Variants in DDX10 observed in about 807,000 individuals in gnomAD.
DDX10 encodes probable ATP-dependent RNA helicase DDX10.
A neutral mutation model predicts 104.3 loss-of-function variants in DDX10; 74 were observed. The ratio of observed to expected loss-of-function variants is 0.71; its 90% confidence interval spans 0.59 to 0.86. The LOEUF (loss-of-function observed/expected upper bound fraction) is 0.86, where lower values mean the gene tolerates loss of function less well. DDX10 is among the 40% of genes least tolerant of loss of function. DDX10 has a pLI of 0.00. For synonymous variants in DDX10, 351 were observed against 353.4 expected (o/e 0.99, Z 0.08); for missense variants, 952 against 1,040.0 (o/e 0.92, Z 1.16).
intron 7 of DDX10, among the ~76,000 whole-genome samples, chr11:108,691,453 T>C (rs1448900883): frequency 1.3e-5 from 2 of 152,230 alleles, no homozygotes; most frequent in Non-Finnish European, 2.9e-5. Flanking sequence ...AATGTTTTTA[T>C]TTATGTCTAA....
At chr11:108,792,597 G>GTAT (rs1861886597) in intron 13 of DDX10, among the ~76,000 whole-genome samples, 1 of 152,056 alleles carries the variant, frequency 6.6e-6, no homozygotes, top group Admixed American at 6.5e-5. Context: ...TTTCTGGAGT[G>GTAT]TATATCCTAT....
chr11:108,738,888 C>A (rs1447479885), intron 13 of DDX10, among the ~76,000 whole-genome samples: 1 of 152,108 alleles, frequency 6.6e-6, no homozygotes, highest in African/African-American at 2.4e-5. Flanking sequence ...CCCTCAAGTC[C>A]CACAGGGGCC....
At chr11:108,762,246 A>G (rs1317948834) in intron 13 of DDX10, among the ~76,000 whole-genome samples, 2 of 152,184 alleles carry the variant, frequency 1.3e-5, no homozygotes, top group Admixed American at 1.3e-4. Flanking sequence ...GCAGAAATAG[A>G]TAAGCGGCCC....
Position 108,677,229 on chromosome 11 carries a change from A to G in DDX10, c.523A>G (p.Ile175Val). Residue 175 changes from isoleucine to valine, a missense_variant, in exon 4 of 18, where the codon ATC (isoleucine) becomes GTC (valine). Physicochemically the swap from Ile to Val is conservative, Grantham distance 29. Coordinates refer to ENST00000322536, the MANE Select transcript of DDX10 (RefSeq NM_004398.4). ...GKNHDFSAGL[I>V]IGGKDLKHEA... ...GAATCATGACTTCTCAGCTGGTCTC[A>G]TCATTGGTGGAAAGGTTTGTCCTTT... The G allele has an allele frequency of 1.9e-6, 3 of 1,613,392 alleles. No homozygotes were observed. Among genetic ancestry groups the G allele is most frequent in the Non-Finnish European group, 1.7e-6 (2 of 1,179,514 alleles).
chr11:108,707,398 C>G (rs35085871), intron 10 of DDX10, among the ~76,000 whole-genome samples: 23,937 of 152,118 alleles, frequency 0.16, 1,917 homozygotes, highest in East Asian at 0.25. Context: ...GCTTCTTTCA[C>G]TTAGTAGTAT....
intron 16 of DDX10, among the ~76,000 whole-genome samples, chr11:108,901,887 T>A (rs1863521030): frequency 6.6e-6 from 1 of 152,212 alleles, no homozygotes; most frequent in Non-Finnish European, 1.5e-5. Context: ...CTAGGTAATG[T>A]TGGATTCTGA....
intron 16 of DDX10, among the ~76,000 whole-genome samples, chr11:108,902,092 T>C (rs1382852545): frequency 6.6e-6 from 1 of 152,200 alleles, no homozygotes; most frequent in Non-Finnish European, 1.5e-5. Flanking sequence ...CTAATTCTTC[T>C]CTTAAGTTCT....
chr11:108,908,081 C>T (rs1863620711), intron 16 of DDX10, among the ~76,000 whole-genome samples: 1 of 152,076 alleles, frequency 6.6e-6, no homozygotes, highest in Non-Finnish European at 1.5e-5. Context: ...CATCACTAAC[C>T]TTTTTTGTGT....
At chr11:108,679,953 C>T (rs1324249954) in intron 6 of DDX10, among the ~76,000 whole-genome samples, 1 of 152,128 alleles carries the variant, frequency 6.6e-6, no homozygotes, top group Non-Finnish European at 1.5e-5. Context: ...TTGTTGAAAG[C>T]AGTGGGAGGG....
intron 14 of DDX10, among the ~76,000 whole-genome samples, chr11:108,840,858 GA>G (rs1862627408): frequency 2.0e-5 from 3 of 152,198 alleles, no homozygotes. Flanking sequence ...TCTAGTAAGA[GA>G]AACAGGAACA....
intron 16 of DDX10, chr11:108,860,721 T>G (rs1190700297): frequency 6.6e-6 from 1 of 152,070 alleles, no homozygotes; most frequent in Non-Finnish European, 1.5e-5. Context: ...AATTTTTCTA[T>G]TTTTAGTAGA....
intron 13 of DDX10, among the ~76,000 whole-genome samples, chr11:108,801,801 G>C (rs545810503): frequency 1.3e-5 from 2 of 152,050 alleles, no homozygotes; most frequent in Admixed American, 1.3e-4. Context: ...GCTACTAACT[G>C]TCTTTCACCA....
intron 13 of DDX10, among the ~76,000 whole-genome samples, chr11:108,763,324 G>T (rs999403955): frequency 6.6e-6 from 1 of 151,974 alleles, no homozygotes; most frequent in African/African-American, 2.4e-5. Flanking sequence ...CCTCACTTGG[G>T]CTTATTTTTA....
At position 108,706,814 on chromosome 11, in the gene DDX10, G is replaced by C; in HGVS notation, c.1299G>C (p.Lys433Asn). The change falls in exon 10 of 18, where the codon AAG becomes AAC. Residue 433 changes from lysine (K) to asparagine (N), a missense_variant. Transcript: ENST00000322536. ...EKAMVQQLLQ[K>N]KVPVKEIKIN... ...CTATGGTGCAGCAGCTTCTTCAGAA[G>C]AAAGTACCTGTGAAGGAAATCAAGT... The C allele has an allele frequency of 1.9e-6, 3 of 1,613,998 alleles. No homozygotes were observed. The highest frequency in any genetic ancestry group is 2.5e-6 in the Non-Finnish European group (3 of 1,179,876).
At chr11:108,694,806 G>A (rs886395335) in intron 9 of DDX10, among the ~76,000 whole-genome samples, 5 of 152,076 alleles carry the variant, frequency 3.3e-5, no homozygotes, top group Admixed American at 1.3e-4. Flanking sequence ...ACGTGAACCC[G>A]GGAGGCGGAG....
At chr11:108,802,010 G>GGGGT (rs1555026955) in intron 13 of DDX10, among the ~76,000 whole-genome samples, 5 of 142,060 alleles carry the variant, frequency 3.5e-5, no homozygotes, top group African/African-American at 7.6e-5. Context: ...AAGTGAGTGG[G>GGGGT]GTGTGTGTGT....
intron 16 of DDX10, among the ~76,000 whole-genome samples, chr11:108,915,419 A>G (rs1025062410): frequency 2.0e-5 from 3 of 149,392 alleles, no homozygotes; most frequent in Non-Finnish European, 4.4e-5. Context: ...GCTTCCCAAT[A>G]CTAAAAAGGC....
Position 108,830,340 on chromosome 11 carries a change from C to A in DDX10, c.1966-8106C>A, listed in dbSNP as rs141441193. 2.6e-5 allele frequency among the ~76,000 whole-genome samples: 4 copies of A among 152,162 alleles called. No individual in the cohort carries two copies. In the East Asian group the frequency reaches 7.7e-4, roughly 29 times the overall value. On this transcript the variant is annotated intron_variant, in intron 13 of 17. Coordinates refer to ENST00000322536, the MANE Select transcript of DDX10 (RefSeq NM_004398.4). Reference sequence around the variant, plus strand: ...CAGCTATTCTGAAAGAGGTTGAGTTCTTGATTTGATTCTCAGCTTGGTCAC... The same window carrying A: ...CAGCTATTCTGAAAGAGGTTGAGTTATTGATTTGATTCTCAGCTTGGTCAC...
intron 13 of DDX10, among the ~76,000 whole-genome samples, chr11:108,809,250 G>A (rs1176412665): frequency 2.0e-5 from 3 of 152,192 alleles, no homozygotes; most frequent in Non-Finnish European, 4.4e-5. Flanking sequence ...GCAGTGGATT[G>A]AGAGGTGAAT....
Sources: gnomAD v4.1 joint callset for allele counts (sites outside exome capture counted in the v4.1 genomes callset) on GRCh38, gnomAD v4.1.1 for gene constraint, MANE v1.5 for transcripts, NCBI Gene and HGNC (gene_info 2026-07-23, HGNC 2026-07-21) for gene names.